USH2A: variants seen among roughly 807,000 people sequenced by gnomAD.
The protein encoded by USH2A is usherin.
A neutral mutation model predicts 538.9 loss-of-function variants in USH2A; 443 were observed. The ratio of observed to expected loss-of-function variants is 0.82; its 90% CI spans 0.76 to 0.89. USH2A has a LOEUF of 0.89. Among genes scored for constraint, USH2A ranks in the 40% least tolerant of loss-of-function variants. The pLI is 0.00. For synonymous variants in USH2A, 2,413 were observed against 2,273.5 expected (o/e 1.06, Z -1.75); for missense variants, 6,633 against 6,324.8 (o/e 1.05, Z -1.65).
intron 53 of USH2A, 68 bp downstream of exon 53, chr1:215,782,670 G>A (rs997874628): frequency 6.6e-7 from 1 of 1,509,652 alleles, no homozygotes; most frequent in South Asian, 1.1e-5. Flanking sequence ...AATGTAGATT[G>A]TACTCATTTC....
chr1:215,695,778 G>A (rs1658788210), intron 61 of USH2A, among the ~76,000 whole-genome samples: 1 of 152,092 alleles, frequency 6.6e-6, no homozygotes, highest in Admixed American at 6.5e-5. Flanking sequence ...TTTTGAGACA[G>A]AGTCTCTCTA....
chr1:215,725,193 A>G (rs919820085), intron 61 of USH2A, among the ~76,000 whole-genome samples: 8 of 152,144 alleles, frequency 5.3e-5, no homozygotes, highest in African/African-American at 1.9e-4. Flanking sequence ...TGTTTTTAGT[A>G]CAGACAAGGT....
At chr1:215,661,859 G>T (rs891701506) in intron 64 of USH2A, among the ~76,000 whole-genome samples, 1 of 152,158 alleles carries the variant, frequency 6.6e-6, no homozygotes, top group Non-Finnish European at 1.5e-5. Context: ...AAATCGTGCT[G>T]TCCCTGAAGA....
intron 48 of USH2A, among the ~76,000 whole-genome samples, chr1:215,815,190 C>T (rs1055982841): frequency 6.6e-6 from 1 of 151,866 alleles, no homozygotes; most frequent in Non-Finnish European, 1.5e-5. Flanking sequence ...TCTTTAAGCT[C>T]AACAATAAAA....
intron 68 of USH2A, among the ~76,000 whole-genome samples, chr1:215,639,853 T>C (rs147023821): frequency 3.9e-5 from 6 of 152,352 alleles, no homozygotes; most frequent in Admixed American, 1.3e-4. Context: ...TTTCTATTAC[T>C]ATACATGCAA....
At chr1:215,840,735 G>A (rs1321077245) in intron 46 of USH2A, among the ~76,000 whole-genome samples, 3 of 152,156 alleles carry the variant, frequency 2.0e-5, no homozygotes, top group East Asian at 1.9e-4. Context: ...TGTGTGTTTC[G>A]AGTCTTGGTA....
rs752671227 is a variant in USH2A, at chr1:216,323,715, G to T, written c.1329-20C>A. On this transcript the variant is annotated intron_variant, in intron 7 of 71. Transcript: ENST00000307340. ...GTAAAACTGTTAATGAAAGAAATTC[G>T]ATGTCATGAAAATCTATTCACATTT... 6.2e-7 allele frequency: 1 copy of T among 1,609,962 alleles called. No homozygotes were observed. Among genetic ancestry groups the T allele is most frequent in the South Asian group, 1.1e-5 (1 of 90,930 alleles).
chr1:215,662,563 C>T (rs1047695231), intron 64 of USH2A, among the ~76,000 whole-genome samples: 9 of 152,174 alleles, frequency 5.9e-5, no homozygotes, highest in Admixed American at 5.9e-4. Context: ...AATGATCTCC[C>T]GTGGGAACAA....
chr1:216,362,554 T>C (rs894458539), intron 4 of USH2A, among the ~76,000 whole-genome samples: 8 of 152,176 alleles, frequency 5.3e-5, no homozygotes, highest in African/African-American at 1.9e-4. Context: ...ATCTCTGTAA[T>C]ATGTATTAAA....
intron 70 of USH2A, 31 bp downstream of exon 70, chr1:215,634,428 G>T (rs763265495): frequency 6.2e-7 from 1 of 1,614,050 alleles, no homozygotes; most frequent in Non-Finnish European, 8.5e-7. Flanking sequence ...TCCAGTGATA[G>T]GGAAATGGGG....
chr1:216,270,112 T>C (rs2036547394), intron 11 of USH2A, among the ~76,000 whole-genome samples: 1 of 152,100 alleles, frequency 6.6e-6, no homozygotes, highest in Non-Finnish European at 1.5e-5. Context: ...TTTTAGGTAA[T>C]TTGAAGCAAC....
chr1:216,219,230 AT>A (rs1197306787), intron 14 of USH2A, among the ~76,000 whole-genome samples: 1 of 151,988 alleles, frequency 6.6e-6, no homozygotes, highest in Non-Finnish European at 1.5e-5. Flanking sequence ...TCTATTCTTG[AT>A]TTTATAGTCT....
At chr1:215,963,681 T>C (rs1667258360) in intron 37 of USH2A, among the ~76,000 whole-genome samples, 1 of 152,168 alleles carries the variant, frequency 6.6e-6, no homozygotes, top group Non-Finnish European at 1.5e-5. Context: ...CCTCCAGCTC[T>C]ACATAAATCA....
chr1:215,649,144 A>G (rs1320824278), intron 65 of USH2A, among the ~76,000 whole-genome samples: 5 of 152,226 alleles, frequency 3.3e-5, no homozygotes, highest in Non-Finnish European at 7.3e-5. Context: ...TCTGCCTTCC[A>G]ATTATATGTC....
At chr1:216,231,885 G>A (rs2035703008) in intron 14 of USH2A, 68 bp downstream of exon 14, 10 of 1,592,722 alleles carry the variant, frequency 6.3e-6, no homozygotes, top group African/African-American at 2.7e-5. Flanking sequence ...TTATTGCTTT[G>A]CAACTGCCAA....
At chr1:215,824,850 T>C (rs1571722338) in intron 47 of USH2A, among the ~76,000 whole-genome samples, 1 of 152,114 alleles carries the variant, frequency 6.6e-6, no homozygotes, top group African/African-American at 2.4e-5. Context: ...GCTGAATATA[T>C]TGGGGAGATG....
chr1:215,687,587 A>G (rs1658472536), intron 61 of USH2A, among the ~76,000 whole-genome samples: 1 of 152,144 alleles, frequency 6.6e-6, no homozygotes, highest in Non-Finnish European at 1.5e-5. Flanking sequence ...CTCATTTTTC[A>G]AAGGAGAAGA....
intron 61 of USH2A, among the ~76,000 whole-genome samples, chr1:215,710,837 A>G (rs1169298761): frequency 6.6e-6 from 1 of 152,074 alleles, no homozygotes; most frequent in Non-Finnish European, 1.5e-5. Flanking sequence ...AAAGAACATT[A>G]GCATGTTCTT....
At chr1:216,188,793 A>C (rs2034658406) in intron 20 of USH2A, among the ~76,000 whole-genome samples, 2 of 152,056 alleles carry the variant, frequency 1.3e-5, no homozygotes, top group Admixed American at 1.3e-4. Flanking sequence ...CATGTTTTGC[A>C]ACCCTGAGAG....
Sources: allele counts gnomAD v4.1 joint callset (sites outside exome capture counted in the v4.1 genomes callset), GRCh38; gene constraint gnomAD v4.1.1; transcripts MANE v1.5; gene names NCBI Gene and HGNC (gene_info 2026-07-23, HGNC 2026-07-21).